The following SNX9 variants were observed in gnomAD, a reference collection of about 807,000 sequenced individuals.
SNX9 encodes the protein sorting nexin 9.
SNX9 carries 44 observed loss-of-function variants against 89.4 expected under a neutral mutation model. The observed-to-expected ratio is 0.49, with a 90% CI of 0.39 to 0.63. The LOEUF (loss-of-function observed/expected upper bound fraction) is 0.63. Ranked by LOEUF, SNX9 falls within the 30% of genes least tolerant of loss-of-function variation. The probability of loss-of-function intolerance (pLI) is 0.00; values close to 1 mark genes in which losing one functional copy is unlikely to be tolerated. For missense variants in SNX9, 578 were observed against 736.1 expected, an observed-to-expected ratio of 0.79 and a Z score of 2.49; for synonymous variants, 236 against 247.8, an observed-to-expected ratio of 0.95 and a Z score of 0.45.
intron 1 of SNX9, among the ~76,000 whole-genome samples, chr6:157,854,706 G>A (rs1781975312): frequency 6.6e-6 from 1 of 152,024 alleles, no homozygotes; most frequent in African/African-American, 2.4e-5. Context: ...TGAAATTATT[G>A]GTTCTCAGAA....
At chr6:157,918,811 G>A (rs1489178532) in intron 9 of SNX9, among the ~76,000 whole-genome samples, 1 of 151,892 alleles carries the variant, frequency 6.6e-6, no homozygotes, top group African/African-American at 2.4e-5. Flanking sequence ...ACATCACAGT[G>A]CACTTTAGAT....
intron 9 of SNX9, among the ~76,000 whole-genome samples, chr6:157,912,016 C>T (rs1783357139): frequency 6.6e-6 from 1 of 152,206 alleles, no homozygotes; most frequent in African/African-American, 2.4e-5. Context: ...CTGCTGCTGC[C>T]TTCTGCCCAG....
At chr6:157,846,686 A>G (rs1781812827) in intron 1 of SNX9, among the ~76,000 whole-genome samples, 1 of 152,236 alleles carries the variant, frequency 6.6e-6, no homozygotes, top group Non-Finnish European at 1.5e-5. Context: ...GCTGGGAAAT[A>G]AGTATTCAGT....
At chr6:157,936,978 A>C (rs891090338) in intron 14 of SNX9, among the ~76,000 whole-genome samples, 88 of 149,848 alleles carry the variant, frequency 5.9e-4, no homozygotes, top group Admixed American at 5.8e-3. Flanking sequence ...GATACTTCTA[A>C]AAAAGCATTC....
chr6:157,901,954 T>C lies in SNX9; in HGVS notation c.529T>C (p.Tyr177His). The C allele has an allele frequency of 6.2e-7, 1 of 1,613,816 alleles. No individual in the cohort carries two copies. Among genetic ancestry groups the C allele is most frequent in the Non-Finnish European group, 8.5e-7 (1 of 1,179,846 alleles). Residue 177 changes from tyrosine to histidine, a missense_variant, in exon 6 of 18, where the codon TAC (tyrosine) becomes CAC (histidine). By Grantham distance (83) the Tyr-to-His change is moderately conservative. Around this residue, in one of 2 missense-constraint regions of SNX9, gnomAD observed 230 missense variants for 244.7 expected, o/e 0.94. Transcript: ENST00000392185. ...CTGGGATGGGCCCAAATCCTCTTCC[T>C]ACTTTAAGGATTCAGAGTCAGCTGA... ...EDWDGPKSSS[Y>H]FKDSESADAG...
intron 11 of SNX9, among the ~76,000 whole-genome samples, chr6:157,927,747 G>A (rs1313886222): frequency 1.3e-5 from 1 of 74,848 alleles, no homozygotes; most frequent in Non-Finnish European, 2.3e-5. Flanking sequence ...TTTTTTTTGA[G>A]ACGGAGTCTT....
chr6:157,887,364 C>T (rs569987510), intron 4 of SNX9, among the ~76,000 whole-genome samples: 2 of 152,288 alleles, frequency 1.3e-5, no homozygotes, highest in Admixed American at 1.3e-4. Flanking sequence ...CTTGATTCTT[C>T]CGTGTGTGTC....
intron 9 of SNX9, among the ~76,000 whole-genome samples, chr6:157,910,656 C>A (rs891630095): frequency 2.6e-5 from 4 of 152,072 alleles, no homozygotes; most frequent in African/African-American, 9.7e-5. Flanking sequence ...CCCCAAGAAT[C>A]TTTTGGTAAG....
chr6:157,850,136 G>A (rs1410599014), intron 1 of SNX9, among the ~76,000 whole-genome samples: 3 of 152,184 alleles, frequency 2.0e-5, no homozygotes, highest in African/African-American at 7.2e-5. Context: ...TTTCAAGAAG[G>A]AAGAGTGGAC....
intron 1 of SNX9, among the ~76,000 whole-genome samples, chr6:157,837,459 A>G (rs1781608906): frequency 6.6e-6 from 1 of 152,250 alleles, no homozygotes; most frequent in Non-Finnish European, 1.5e-5. Context: ...CTGTTCTTAA[A>G]TTACTTATAA....
chr6:157,851,323 TA>T (rs1229141569), intron 1 of SNX9, among the ~76,000 whole-genome samples: 2 of 151,940 alleles, frequency 1.3e-5, no homozygotes, highest in Admixed American at 1.3e-4. Context: ...AAATCTTAGT[TA>T]AAAAAGAATA....
At chr6:157,927,496 G>A (rs1002806362) in intron 11 of SNX9, among the ~76,000 whole-genome samples, 23 of 152,170 alleles carry the variant, frequency 1.5e-4, no homozygotes, top group African/African-American at 5.5e-4. Context: ...ATGAAACCAA[G>A]CGGCATGGAG....
chr6:157,851,751 A>C (rs914588617), intron 1 of SNX9, among the ~76,000 whole-genome samples: 1 of 151,938 alleles, frequency 6.6e-6, no homozygotes, highest in African/African-American at 2.4e-5. Context: ...TACCACACCC[A>C]GCTAATTTTT....
chr6:157,860,176 G>T (rs1583203715), intron 1 of SNX9, among the ~76,000 whole-genome samples: 1 of 152,156 alleles, frequency 6.6e-6, no homozygotes, highest in Non-Finnish European at 1.5e-5. Context: ...GTATGATACA[G>T]CCATTTTGAC....
chr6:157,915,822 C>CAAAAAAAAAAAAAAAAAAAAAAA (rs570701086), intron 9 of SNX9, among the ~76,000 whole-genome samples: 5 of 89,374 alleles, frequency 5.6e-5, no homozygotes, highest in African/African-American at 2.0e-4. Flanking sequence ...TAGACTCTGT[C>CAAAAAAAAAAAAAAAAAAAAAAA]AAAAAAAAAA....
At position 157,944,689 on chromosome 6, in the gene SNX9, G is replaced by A. The variant is rs935800200; in HGVS notation, c.*1851G>A. ...GTTCCGTAGGTCAGTGTTGCGGTCC[G>A]GGAAGCGTATCATAACCACCTGGGA... On this transcript the variant is annotated 3_prime_UTR_variant, in exon 18 of 18. Transcript: ENST00000392185. The A allele has an allele frequency of 1.3e-5, 2 of 152,082 alleles. No homozygotes were observed. Among genetic ancestry groups the A allele is most frequent in the African/African-American group, 4.8e-5 (2 of 41,384 alleles). 9.4% of individuals were successfully genotyped at this position (152,082 alleles called of 1,614,324 possible). A position where few individuals can be genotyped will look rare whatever the true frequency, so the allele number is the denominator to read the frequency against.
intron 1 of SNX9, among the ~76,000 whole-genome samples, chr6:157,862,603 G>A (rs1395668845): frequency 3.3e-5 from 5 of 152,278 alleles, no homozygotes; most frequent in African/African-American, 1.2e-4. Flanking sequence ...TATGCAATCA[G>A]AGAGGTAGAT....
chr6:157,890,206 G>A (rs571996029), intron 4 of SNX9, among the ~76,000 whole-genome samples: 8 of 152,278 alleles, frequency 5.3e-5, no homozygotes, highest in East Asian at 3.9e-4. Flanking sequence ...TTTGTACCAT[G>A]TGCAGCTTTC....
Position 157,938,711 on chromosome 6 carries a change from G to A in SNX9, c.1612G>A (p.Val538Met). Reference sequence around the variant, plus strand: ...CACCCTACAAGACAAACAGAACATGGTGAAGAGAGTCAGCATCATGTCTTA... The same window carrying A: ...CACCCTACAAGACAAACAGAACATGATGAAGAGAGTCAGCATCATGTCTTA... ...KITLQDKQNM[V>M]KRVSIMSYAL... The change falls in exon 16 of 18, where the codon GTG becomes ATG. Residue 538 changes from valine (V) to methionine (M), a missense_variant. By Grantham distance (21) the Val-to-Met change is conservative. This residue lies in a region of SNX9 where 348 missense variants were observed against 491.4 expected (regional missense o/e 0.71). Transcript: ENST00000392185. 6.2e-7 allele frequency: 1 copy of A among 1,614,064 alleles called. No individual in the cohort carries two copies. Among genetic ancestry groups the A allele is most frequent in the Admixed American group, 1.7e-5 (1 of 60,018 alleles).
Sources: gnomAD v4.1 joint callset for allele counts (sites outside exome capture counted in the v4.1 genomes callset) on GRCh38, gnomAD v4.1.1 for gene constraint, gnomAD v4.1.1 regional missense constraint, MANE v1.5 for transcripts, NCBI Gene and HGNC (gene_info 2026-07-23, HGNC 2026-07-21) for gene names.